Variants in SLC4A1 observed in about 807,000 individuals in gnomAD.
SLC4A1 encodes the protein solute carrier family 4 member 1 (Diego blood group).
Under a neutral mutation model 93.1 loss-of-function variants are expected in SLC4A1, and 29 were observed. That is an observed-to-expected ratio of 0.31 (90% CI 0.23 to 0.42). SLC4A1 has a LOEUF of 0.42. Among genes scored for constraint, SLC4A1 ranks in the 20% least tolerant of loss-of-function variants. The pLI is 1.00. For missense variants in SLC4A1, 965 were observed against 1,190.1 expected, an observed-to-expected ratio of 0.81 and a Z score of 2.78; for synonymous variants, 469 against 497.2, an observed-to-expected ratio of 0.94 and a Z score of 0.76.
At chr17:44,259,461 G>T (rs1168549318) in intron 8 of SLC4A1, 36 bp downstream of exon 8, 1 of 1,599,484 alleles carries the variant, frequency 6.3e-7, no homozygotes, top group Non-Finnish European at 8.6e-7. Flanking sequence ...GACACGAGGG[G>T]TGTGGAGGGC....
intron 7 of SLC4A1, 22 bp downstream of exon 7, chr17:44,259,787 C>T: frequency 1.2e-6 from 2 of 1,613,722 alleles, no homozygotes; most frequent in Non-Finnish European, 1.7e-6. Flanking sequence ...TGACCCTGAC[C>T]CTGACCCTGT....
rs1162787335 is a variant in SLC4A1 at position 44,260,519 on chromosome 17, G to T, written c.370C>A (p.Gln124Lys). 1 of 1,614,224 alleles carries T rather than the reference G, an allele frequency of 6.2e-7. No homozygotes were observed. The highest frequency in any genetic ancestry group is 8.5e-7 in the Non-Finnish European group (1 of 1,180,024). Residue 124 changes from glutamine to lysine, a missense_variant, in exon 6 of 20, where the codon CAA becomes AAA. By Grantham distance (53) the Gln-to-Lys change is moderately conservative (BLOSUM62 1). Transcript: ENST00000262418. Reference protein sequence around the residue: ...FTKGTVLLDLQETSLAGVANQ... With the variant: ...FTKGTVLLDLKETSLAGVANQ... ...GCCACTCCAGCCAGGGAGGTCTCTT[G>T]CAGGTCTAGGAGGACAGTACCTGCA...
intron 1 of SLC4A1, among the ~76,000 whole-genome samples, chr17:44,265,299 G>C (rs576695318): frequency 6.6e-6 from 1 of 152,126 alleles, no homozygotes; most frequent in African/African-American, 2.4e-5. Flanking sequence ...AAGAAGAGCA[G>C]GACGCGTTTG....
At position 44,252,992 on chromosome 17, in the gene SLC4A1, T is replaced by C. The variant is rs2047356030; in HGVS notation, c.2311+126A>G. Reference sequence around the variant, plus strand: ...GTGTGAGTAGGGGATGCTGGGGAGATGTGGGGAAGTGGTGCAGGATGGGGG... The same window carrying C: ...GTGTGAGTAGGGGATGCTGGGGAGACGTGGGGAAGTGGTGCAGGATGGGGG... On this transcript the variant is annotated intron_variant, in intron 17 of 19. Transcript: ENST00000262418. 4.0e-6 allele frequency: 4 copies of C among 996,662 alleles called. No homozygotes were observed. In the South Asian group the frequency reaches 5.4e-5, roughly 13 times the overall value. The allele number at this position is 996,662 out of a possible 1,614,324, so 61.7% of individuals were successfully genotyped here.
Position 44,258,699 on chromosome 17 carries a change from C to T in SLC4A1, c.877-76G>A. 2.8e-6 allele frequency: 4 copies of T among 1,420,102 alleles called. No homozygotes were observed. The highest frequency in any genetic ancestry group is 3.9e-6 in the Non-Finnish European group (4 of 1,030,492). The allele number at this position is 1,420,102 out of a possible 1,614,324, so 88.0% of individuals were successfully genotyped here. On this transcript the variant is annotated intron_variant, in intron 9 of 19. Transcript: ENST00000262418. This position sits in a 1 kb window ranked among gnomAD's most constrained non-coding sequence, Gnocchi z 6.1. ...ACCCAGGAGTCCACAGCCAGGGCCT[C>T]CAGGAACCAGAACCCCCTCAGGCAG...
At position 44,257,713 on chromosome 17, in the gene SLC4A1, C is replaced by T; in HGVS notation, c.1377G>A (p.Leu459=). Residue 459 remains leucine (L), a synonymous_variant, in exon 12 of 20, where the codon CTG becomes CTA. Transcript: ENST00000262418. The part of the protein sequence containing the change: ...ILFALLGAQP[L]LVVGFSGPLL... Reference sequence around the variant, plus strand: ...GGGGTCCTGAGAAGCCGACCACAAGCAGGGGCTGAGCCCCCAGCAGGGCGA... The same window carrying T: ...GGGGTCCTGAGAAGCCGACCACAAGTAGGGGCTGAGCCCCCAGCAGGGCGA... 1 of 1,614,036 alleles carries T rather than the reference C, an allele frequency of 6.2e-7. No homozygotes were observed.
Position 44,248,556 on chromosome 17 carries a change from C to G in SLC4A1, c.*1902G>C, listed in dbSNP as rs1056797220. On this transcript the variant is annotated 3_prime_UTR_variant, in exon 20 of 20. Coordinates refer to ENST00000262418, the MANE Select transcript of SLC4A1 (RefSeq NM_000342.4). ...CAAGATAAGGAGGATCCCAGCAGCTCCCCTCCGAGGTTGGGCTCTTCACCA... is the reference window on the plus strand; with the variant it reads ...CAAGATAAGGAGGATCCCAGCAGCTGCCCTCCGAGGTTGGGCTCTTCACCA... 2 of 152,262 alleles carry G rather than the reference C, an allele frequency of 1.3e-5. No individual in the cohort carries two copies. The highest frequency in any genetic ancestry group is 2.9e-5 in the Non-Finnish European group (2 of 68,110). 9.4% of individuals were successfully genotyped at this position (152,262 alleles called of 1,614,324 possible). A position where few individuals can be genotyped will look rare whatever the true frequency, so the allele number is the denominator to read the frequency against.
intron 3 of SLC4A1, chr17:44,262,073 C>T (rs942794270): frequency 9.0e-7 from 1 of 1,116,136 alleles, no homozygotes; most frequent in African/African-American, 1.6e-5. Context: ...AGCTGAGGCA[C>T]CAGGGTGGGT....
chr17:44,252,506 T>C (rs902095847), intron 17 of SLC4A1, among the ~76,000 whole-genome samples: 8 of 152,044 alleles, frequency 5.3e-5, no homozygotes, highest in Non-Finnish European at 1.2e-4. Flanking sequence ...ACACACACCT[T>C]TCTCCTCACC....
Position 44,251,290 on chromosome 17 carries a change from T to C in SLC4A1, c.2524A>G (p.Ile842Val). 6.2e-7 allele frequency: 1 copy of C among 1,614,234 alleles called. No homozygotes were observed. Among genetic ancestry groups the C allele is most frequent in the Non-Finnish European group, 8.5e-7 (1 of 1,180,042 alleles). ...ACCACCCACAGCACTGCCAGGCAGA[T>C]GATCTGGATGCCCGTGAATAAGTGC... Reference protein sequence around the residue: ...RMHLFTGIQIICLAVLWVVKS... With the variant: ...RMHLFTGIQIVCLAVLWVVKS... Residue 842 changes from isoleucine to valine, a missense_variant, in exon 19 of 20, where the codon ATC (isoleucine) becomes GTC (valine). By Grantham distance (29) the Ile-to-Val change is conservative (BLOSUM62 3). Transcript: ENST00000262418.
At chr17:44,263,970 C>T (rs1228802884) in intron 1 of SLC4A1, among the ~76,000 whole-genome samples, 1 of 152,052 alleles carries the variant, frequency 6.6e-6, no homozygotes, top group Non-Finnish European at 1.5e-5. Context: ...GAAACAGGGT[C>T]TCACTATCTC....
At position 44,250,557 on chromosome 17, in the gene SLC4A1, A is replaced by G. The variant is rs749918384; in HGVS notation, c.2656-19T>C. 15 of 1,606,518 alleles carry G rather than the reference A, an allele frequency of 9.3e-6. No homozygotes were observed. The Admixed American group carries it at 1.0e-4, about 11-fold the overall frequency. ...CATCCAGCTGGAGGGGAGGGACAGG[A>G]GAGAGACAGGGTGAGAGACCCTGGG... On this transcript the variant is annotated intron_variant, in intron 19 of 19. Coordinates refer to ENST00000262418, the MANE Select transcript of SLC4A1 (RefSeq NM_000342.4).
chr17:44,262,442 C>T (rs1242299713), intron 3 of SLC4A1, among the ~76,000 whole-genome samples, 194 bp downstream of exon 3: 1 of 152,222 alleles, frequency 6.6e-6, no homozygotes, highest in Non-Finnish European at 1.5e-5. Flanking sequence ...GGTGACTGCC[C>T]CTGCTCTCCC....
At position 44,251,720 on chromosome 17, in the gene SLC4A1, C is replaced by CTTT. The variant is rs67064853; in HGVS notation, c.2312-135_2312-133dup. 5.6e-3 allele frequency: 2,185 copies of CTTT among 389,916 alleles called. 10 individuals are homozygous for CTTT. The highest frequency in any genetic ancestry group is 0.01 in the African/African-American group (332 of 32,710). The allele number at this position is 389,916 out of a possible 1,614,324, so 24.2% of individuals were successfully genotyped here. A position where few individuals can be genotyped will look rare whatever the true frequency, so the allele number is the denominator to read the frequency against. On this transcript the variant is annotated intron_variant, in intron 17 of 19. Coordinates refer to ENST00000262418, the MANE Select transcript of SLC4A1 (RefSeq NM_000342.4). ...GCCATTTCTTTTTTCCTTTTCTTTT[C>CTTT]TTTTTTTTTTTTTTTTTTTGTTTTT...
chr17:44,260,319 G>C (rs2047431416), intron 6 of SLC4A1, 85 bp downstream of exon 6: 6 of 1,534,316 alleles, frequency 3.9e-6, no homozygotes, highest in Non-Finnish European at 5.3e-6. Context: ...AGGGCCACCT[G>C]GATCCCGGGG....
At chr17:44,254,457 T>A in intron 16 of SLC4A1, 39 bp downstream of exon 16, 97 of 1,282,568 alleles carry the variant, frequency 7.6e-5, no homozygotes, top group Non-Finnish European at 8.9e-5. Flanking sequence ...GGTCCCTGCC[T>A]CCCACCCTCC....
At position 44,259,903 on chromosome 17, in the gene SLC4A1, C is replaced by A. The variant is rs1222836115; in HGVS notation, c.515G>T (p.Gly172Val). 1 of 1,613,660 alleles carries A rather than the reference C, an allele frequency of 6.2e-7. No individual in the cohort carries two copies. ...SHAGELEALG[G>V]VKPAVLTRSG... ...GCGTGTCAGGACTGCAGGCTTCACACCCCCCAGGGCCTCCAGCTCTCCAGC... is the reference window on the plus strand; with the variant it reads ...GCGTGTCAGGACTGCAGGCTTCACAACCCCCAGGGCCTCCAGCTCTCCAGC... Residue 172 changes from glycine (G) to valine (V), a missense_variant, in exon 7 of 20, where the codon GGT becomes GTT. Physicochemically the swap from Gly to Val is moderately radical, Grantham distance 109. Transcript: ENST00000262418.
chr17:44,250,118 A>C lies in SLC4A1; in HGVS notation c.*340T>G, dbSNP rs1598294502. On this transcript the variant is annotated 3_prime_UTR_variant, in exon 20 of 20. Transcript: ENST00000262418. ...CAGCAAGCACCCCACCCGCTCACCC[A>C]CCTCCTGCCTTTGCTTCTACCCCTG... is the stretch of plus-strand genomic sequence containing the variant. 1 of 350,328 alleles carries C rather than the reference A, an allele frequency of 2.9e-6. No individual in the cohort carries two copies. The highest frequency in any genetic ancestry group is 6.2e-5 in the East Asian group (1 of 16,066). The allele number at this position is 350,328 out of a possible 1,614,324, so 21.7% of individuals were successfully genotyped here.
At chr17:44,253,047 A>AAAGGGG in intron 17 of SLC4A1, 71 bp downstream of exon 17, 4 of 1,553,056 alleles carry the variant, frequency 2.6e-6, no homozygotes, top group Non-Finnish European at 1.8e-6. Flanking sequence ...GTCCGAACAG[A>AAAGGGG]AAGGGGAAGG....
Sources: allele counts gnomAD v4.1 joint callset (sites outside exome capture counted in the v4.1 genomes callset), GRCh38; gene constraint gnomAD v4.1.1; non-coding constraint Gnocchi (gnomAD v3.1); transcripts MANE v1.5; gene names NCBI Gene and HGNC (gene_info 2026-07-23, HGNC 2026-07-21).